The following JARID2 variants were observed in gnomAD, a reference collection of about 807,000 sequenced individuals.
JARID2 encodes protein Jumonji.
JARID2 carries 21 observed loss-of-function variants against 125.6 expected under a neutral mutation model. That is an observed-to-expected ratio of 0.17 (90% CI 0.12 to 0.24). The LOEUF (loss-of-function observed/expected upper bound fraction) is 0.24. Ranked by LOEUF, JARID2 falls within the 10% of genes least tolerant of loss-of-function variation. The pLI, the probability that JARID2 is intolerant of heterozygous loss-of-function variation, is 1.00. For missense variants in JARID2, 1,303 were observed against 1,639.6 expected, an observed-to-expected ratio of 0.79 and a Z score of 3.55; for synonymous variants, 736 against 661.6, an observed-to-expected ratio of 1.11 and a Z score of -1.73.
intron 4 of JARID2, among the ~76,000 whole-genome samples, chr6:15,454,113 C>G (rs1433556326): frequency 1.3e-5 from 2 of 152,166 alleles, no homozygotes; most frequent in Non-Finnish European, 2.9e-5. Flanking sequence ...AGGAACTTGG[C>G]TCCTGTAATC....
rs201589895 is a variant in JARID2 at position 15,496,624 on chromosome 6, G to A, written c.1399G>A (p.Ala467Thr). The stretch of plus-strand genomic sequence containing the variant: ...GAAGATGAAAGGGGCGGCTGGCCCC[G>A]CCGAAGGCCCTGGCAAGAAGGCCCC... Reference protein sequence around the residue: ...PKKMKGAAGPAEGPGKKAPAE... With the variant: ...PKKMKGAAGPTEGPGKKAPAE... The change falls in exon 7 of 18, where the codon GCC becomes ACC. Residue 467 changes from alanine (A) to threonine (T), a missense_variant. Transcript: ENST00000341776. 8.7e-6 allele frequency: 14 copies of A among 1,608,024 alleles called. No homozygotes were observed. In the East Asian group the frequency reaches 1.8e-4, roughly 20 times the overall value.
intron 1 of JARID2, among the ~76,000 whole-genome samples, chr6:15,367,421 C>T (rs1048055788): frequency 3.3e-5 from 5 of 152,076 alleles, no homozygotes; most frequent in Admixed American, 3.3e-4. Flanking sequence ...CACTTCTATC[C>T]CCACTACTAA....
At position 15,513,050 on chromosome 6, in the gene JARID2, C is replaced by T. The variant is rs754363344; in HGVS notation, c.3266+5C>T. 2 of 1,614,104 alleles carry T rather than the reference C, an allele frequency of 1.2e-6. No homozygotes were observed. Among genetic ancestry groups the T allele is most frequent in the Non-Finnish European group, 1.7e-6 (2 of 1,180,014 alleles). Reference sequence around the variant, plus strand: ...AGCCCTCCTGGATGAGCTCAGGTAACAGACCCCCAGAGCCCACGCCAGAGA... The same window carrying T: ...AGCCCTCCTGGATGAGCTCAGGTAATAGACCCCCAGAGCCCACGCCAGAGA... On this transcript the variant is annotated splice_donor_5th_base_variant and intron_variant, in intron 15 of 17. Coordinates refer to ENST00000341776, the MANE Select transcript of JARID2 (RefSeq NM_004973.4).
At chr6:15,470,686 G>C (rs910820383) in intron 5 of JARID2, among the ~76,000 whole-genome samples, 3 of 147,680 alleles carry the variant, frequency 2.0e-5, no homozygotes, top group African/African-American at 7.6e-5. Context: ...TAACCTTTCG[G>C]GAAAAGGTTG....
At chr6:15,390,698 G>A (rs1273998241) in intron 2 of JARID2, among the ~76,000 whole-genome samples, 4 of 152,138 alleles carry the variant, frequency 2.6e-5, no homozygotes, top group Non-Finnish European at 4.4e-5. Flanking sequence ...GGAAGACTGG[G>A]TTGTCCTTGG....
intron 1 of JARID2, among the ~76,000 whole-genome samples, chr6:15,315,310 GGAGGAT>G (rs1168990538): frequency 6.6e-6 from 1 of 152,190 alleles, no homozygotes; most frequent in Non-Finnish European, 1.5e-5. Context: ...ACAGGACTAG[GGAGGAT>G]GAGAGATGTC....
intron 2 of JARID2, among the ~76,000 whole-genome samples, chr6:15,377,230 A>C (rs1764389419): frequency 6.6e-6 from 1 of 152,202 alleles, no homozygotes; most frequent in Admixed American, 6.5e-5. Flanking sequence ...ACAGTTCCTC[A>C]TGCCTGGGGA....
chr6:15,280,387 T>A (rs1227479041), intron 1 of JARID2, among the ~76,000 whole-genome samples: 4 of 152,184 alleles, frequency 2.6e-5, no homozygotes, highest in African/African-American at 9.7e-5. Context: ...GATATTCTTG[T>A]TCCTGTAATT....
rs113118756 is a variant in JARID2 at position 15,520,680 on chromosome 6, GACAC to G, written c.*432_*435del. The G allele has an allele frequency of 1.0e-5, 4 of 401,224 alleles. No homozygotes were observed. The highest frequency in any genetic ancestry group is 8.0e-5 in the Admixed American group (3 of 37,682). 24.9% of individuals were successfully genotyped at this position (401,224 alleles called of 1,614,324 possible). ...AGCAGATTTTTTAGAAGGGATAGGA[GACAC>G]ACGCGCACACACACACACACACGAA... is the stretch of plus-strand genomic sequence containing the variant. On this transcript the variant is annotated 3_prime_UTR_variant, in exon 18 of 18. Transcript: ENST00000341776.
At chr6:15,388,258 A>T (rs1227985315) in intron 2 of JARID2, among the ~76,000 whole-genome samples, 1 of 152,116 alleles carries the variant, frequency 6.6e-6, no homozygotes, top group Admixed American at 6.6e-5. Flanking sequence ...TTTGGAAATA[A>T]CCTGTTATTA....
intron 5 of JARID2, among the ~76,000 whole-genome samples, chr6:15,478,979 A>G (rs1367432247): frequency 6.6e-6 from 1 of 152,150 alleles, no homozygotes. Context: ...TTAGGGTTTT[A>G]TGAAACCCAA....
intron 5 of JARID2, among the ~76,000 whole-genome samples, chr6:15,477,350 G>A (rs1769392383): frequency 1.3e-5 from 2 of 151,776 alleles, no homozygotes; most frequent in African/African-American, 4.8e-5. Flanking sequence ...ATGTTCAGTG[G>A]GGACAGACAC....
intron 3 of JARID2, among the ~76,000 whole-genome samples, chr6:15,416,421 T>C (rs367925188): frequency 2.0e-5 from 3 of 151,624 alleles, no homozygotes. Context: ...TGAACCAGAC[T>C]CCGTCTGCAA....
At chr6:15,470,770 A>G (rs1197715944) in intron 5 of JARID2, among the ~76,000 whole-genome samples, 1 of 152,222 alleles carries the variant, frequency 6.6e-6, no homozygotes, top group Non-Finnish European at 1.5e-5. Context: ...GAATGCAGGT[A>G]TTAGTGTACG....
At chr6:15,374,390 G>A (rs1435759802) in intron 2 of JARID2, 138 bp downstream of exon 2, 17 of 808,016 alleles carry the variant, frequency 2.1e-5, no homozygotes, top group Non-Finnish European at 3.2e-5. Flanking sequence ...AGGTGAATCT[G>A]CACTGCAGAC....
At chr6:15,249,550 CA>C (rs1346888890) in intron 1 of JARID2, among the ~76,000 whole-genome samples, 5 of 152,166 alleles carry the variant, frequency 3.3e-5, no homozygotes, top group Non-Finnish European at 7.3e-5. Context: ...CTGCCATTGC[CA>C]CTTAACTAAG....
At chr6:15,369,639 G>A (rs1764094183) in intron 1 of JARID2, among the ~76,000 whole-genome samples, 1 of 152,224 alleles carries the variant, frequency 6.6e-6, no homozygotes, top group Non-Finnish European at 1.5e-5. Flanking sequence ...GTGCTAATGG[G>A]CTATTAGTTG....
intron 2 of JARID2, among the ~76,000 whole-genome samples, chr6:15,391,400 C>A (rs541199952): frequency 3.3e-5 from 5 of 152,216 alleles, no homozygotes; most frequent in African/African-American, 1.2e-4. Flanking sequence ...AGTTTCAGAG[C>A]CAGCATGTGG....
At position 15,246,290 on chromosome 6, in the gene JARID2, A is replaced by G; in HGVS notation, c.-250A>G. 1 of 551,026 alleles carries G rather than the reference A, an allele frequency of 1.8e-6. No individual in the cohort carries two copies. The highest frequency in any genetic ancestry group is 3.2e-6 in the Non-Finnish European group (1 of 314,012). The allele number at this position is 551,026 out of a possible 1,614,324, so 34.1% of individuals were successfully genotyped here. A position where few individuals can be genotyped will look rare whatever the true frequency, so the allele number is the denominator to read the frequency against. On this transcript the variant is annotated 5_prime_UTR_variant, in exon 1 of 18. The change abolishes an upstream ATG in the 5' untranslated region. Transcript: ENST00000341776. ...TGTGTTTCGGGGGAAATTTTCCATTATGAGTGTTTTACTAAAGTGAATTTT... is the reference window on the plus strand; with the variant it reads ...TGTGTTTCGGGGGAAATTTTCCATTGTGAGTGTTTTACTAAAGTGAATTTT...
Sources: gnomAD v4.1 joint callset for allele counts (sites outside exome capture counted in the v4.1 genomes callset) on GRCh38, gnomAD v4.1.1 for gene constraint, MANE v1.5 for transcripts, NCBI Gene and HGNC (gene_info 2026-07-23, HGNC 2026-07-21) for gene names.